Variants in NLGN1 observed in about 807,000 individuals in gnomAD.
NLGN1 encodes neuroligin 1.
Under a neutral mutation model 65.5 loss-of-function variants are expected in NLGN1, and 12 were observed. That is an observed-to-expected ratio of 0.18 (90% CI 0.12 to 0.30). The LOEUF is 0.30. Ranked by LOEUF, NLGN1 falls within the 10% of genes least tolerant of loss-of-function variation. NLGN1 has a pLI of 1.00. For synonymous variants in NLGN1, 350 were observed against 359.5 expected, an observed-to-expected ratio of 0.97 and a Z score of 0.30; for missense variants, 750 against 1,007.1, an observed-to-expected ratio of 0.74 and a Z score of 3.46.
chr3:174,181,937 ACT>A (rs1253019752), intron 4 of NLGN1, among the ~76,000 whole-genome samples: 1 of 141,846 alleles, frequency 7.0e-6, no homozygotes, highest in Non-Finnish European at 1.5e-5. Context: ...TGACAGCACC[ACT>A]GCACTCCAGC....
chr3:173,710,201 A>G (rs1397787013), intron 3 of NLGN1, among the ~76,000 whole-genome samples: 1 of 152,190 alleles, frequency 6.6e-6, no homozygotes, highest in Non-Finnish European at 1.5e-5. Context: ...ACAGTAGATG[A>G]TATTAGACTT....
chr3:173,629,247 T>A (rs983303), intron 3 of NLGN1, among the ~76,000 whole-genome samples: 54,199 of 151,758 alleles, frequency 0.36, 10,128 homozygotes, highest in Middle Eastern at 0.5. Flanking sequence ...TGGAGTTGAT[T>A]TAATCTTCAT....
intron 4 of NLGN1, among the ~76,000 whole-genome samples, chr3:173,961,540 C>G (rs925126333): frequency 6.6e-6 from 1 of 151,894 alleles, no homozygotes; most frequent in Non-Finnish European, 1.5e-5. Context: ...GGATATGTAA[C>G]TAGTTCATTT....
At chr3:173,725,351 C>G (rs1037997481) in intron 3 of NLGN1, among the ~76,000 whole-genome samples, 1 of 151,988 alleles carries the variant, frequency 6.6e-6, no homozygotes, top group Non-Finnish European at 1.5e-5. Context: ...CTACATGTTC[C>G]TAAGATTAAA....
chr3:174,246,167 A>C (rs2152836750), intron 4 of NLGN1, among the ~76,000 whole-genome samples: 1 of 152,344 alleles, frequency 6.6e-6, no homozygotes, highest in Middle Eastern at 3.4e-3. Context: ...TGAGGCTAGA[A>C]GAAAGCAGAA....
At chr3:174,212,385 G>A (rs1029431931) in intron 4 of NLGN1, among the ~76,000 whole-genome samples, 1 of 152,208 alleles carries the variant, frequency 6.6e-6, no homozygotes, top group Non-Finnish European at 1.5e-5. Flanking sequence ...TGAGGGAGTG[G>A]GCTCCAGCCT....
chr3:173,675,887 T>TTTCTCTCA (rs1553797589), intron 3 of NLGN1, among the ~76,000 whole-genome samples: 2 of 138,578 alleles, frequency 1.4e-5, no homozygotes, highest in African/African-American at 5.6e-5. Flanking sequence ...TCTCTCTCTC[T>TTTCTCTCA]CACACACACA....
the NLGN1 span, among the ~76,000 whole-genome samples, chr3:174,294,096 A>T: frequency 1.3e-5 from 2 of 151,716 alleles, no homozygotes; most frequent in African/African-American, 4.8e-5. Context: ...TTCCACAAAC[A>T]GTGTATTAAA....
At chr3:174,041,504 G>A (rs1165981201) in intron 4 of NLGN1, among the ~76,000 whole-genome samples, 1 of 152,056 alleles carries the variant, frequency 6.6e-6, no homozygotes, top group Non-Finnish European at 1.5e-5. Context: ...GAATACCTAG[G>A]AATGGAATTG....
chr3:173,443,310 A>C lies in NLGN1; in HGVS notation c.-321+8232A>C, dbSNP rs527253180. On this transcript the variant is annotated intron_variant, in intron 2 of 6. Coordinates refer to ENST00000457714, the Ensembl canonical transcript of NLGN1. ...TTTTTACTTTAATAGTATATATATT[A>C]TATATATACTATATATATATATACA... 8.7e-4 allele frequency among the ~76,000 whole-genome samples: 50 copies of C among 57,434 alleles called. 1 individual carries two copies. The South Asian group carries it at 0.042, about 49-fold the overall frequency. The allele number at this position is 57,434 out of a possible 152,430, so 37.7% of individuals were successfully genotyped here.
chr3:173,891,288 A>C (rs1735280519), intron 4 of NLGN1, among the ~76,000 whole-genome samples: 1 of 152,168 alleles, frequency 6.6e-6, no homozygotes, highest in Non-Finnish European at 1.5e-5. Context: ...CTGATCTCTC[A>C]GTTCCCAAGT....
intron 3 of NLGN1, among the ~76,000 whole-genome samples, chr3:173,633,286 C>T (rs1256693821): frequency 6.6e-6 from 1 of 152,114 alleles, no homozygotes; most frequent in East Asian, 1.9e-4. Flanking sequence ...ATGTAAGATC[C>T]TCCATGGCTT....
chr3:173,970,104 C>T (rs1360044519), intron 4 of NLGN1, among the ~76,000 whole-genome samples: 1 of 152,050 alleles, frequency 6.6e-6, no homozygotes, highest in East Asian at 1.9e-4. Flanking sequence ...TATATTTTAA[C>T]ATCTAAAAGA....
intron 3 of NLGN1, among the ~76,000 whole-genome samples, chr3:173,651,714 A>C (rs1019489108): frequency 1.3e-5 from 2 of 152,084 alleles, no homozygotes; most frequent in Non-Finnish European, 2.9e-5. Context: ...ATGGTTAGTG[A>C]TGTTGAGCAT....
At chr3:174,094,832 T>G (rs577452754) in intron 4 of NLGN1, among the ~76,000 whole-genome samples, 1 of 151,698 alleles carries the variant, frequency 6.6e-6, no homozygotes, top group African/African-American at 2.4e-5. Context: ...ACTATACTGT[T>G]TCTCATTTCA....
At chr3:173,475,691 A>T (rs1726075522) in intron 2 of NLGN1, among the ~76,000 whole-genome samples, 1 of 152,206 alleles carries the variant, frequency 6.6e-6, no homozygotes, top group South Asian at 2.1e-4. Flanking sequence ...TTAATGACTG[A>T]TCACTTATTG....
intron 3 of NLGN1, among the ~76,000 whole-genome samples, chr3:173,778,811 A>G (rs7428277): frequency 0.82 from 123,903 of 151,540 alleles, 51,488 homozygotes; most frequent in Non-Finnish European, 0.86. Context: ...AGAAACAAAT[A>G]TAGAATTCTG....
At chr3:174,150,909 C>T (rs1561164207) in intron 4 of NLGN1, among the ~76,000 whole-genome samples, 3 of 151,990 alleles carry the variant, frequency 2.0e-5, no homozygotes, top group Non-Finnish European at 4.4e-5. Context: ...ACAATAATTA[C>T]ATCAACTACG....
chr3:173,893,397 C>T (rs928530862), intron 4 of NLGN1, among the ~76,000 whole-genome samples: 9 of 152,230 alleles, frequency 5.9e-5, no homozygotes, highest in Non-Finnish European at 1.2e-4. Context: ...TCAGTTTTTT[C>T]ATCAATAAAA....
Sources: gnomAD v4.1 joint callset for allele counts (sites outside exome capture counted in the v4.1 genomes callset) on GRCh38, gnomAD v4.1.1 for gene constraint, MANE v1.5 for transcripts, NCBI Gene and HGNC (gene_info 2026-07-23, HGNC 2026-07-21) for gene names.